CNTN6: variants seen among roughly 807,000 people sequenced by gnomAD.
CNTN6 encodes the protein contactin 6, also known as contactin-6.
A neutral mutation model predicts 122.8 loss-of-function variants in CNTN6; 137 were observed. The ratio of observed to expected loss-of-function variants is 1.12; its 90% CI spans 0.97 to 1.29. CNTN6 has a LOEUF of 1.29. CNTN6 is among the 50% of genes most tolerant of loss of function. The pLI is 0.00. For synonymous variants in CNTN6, 570 were observed against 426.0 expected (o/e 1.34, Z -4.16); for missense variants, 1,634 against 1,223.4 (o/e 1.34, Z -5.01).
chr3:1,157,316 C>G (rs1183025536), intron 2 of CNTN6, among the ~76,000 whole-genome samples: 1 of 152,062 alleles, frequency 6.6e-6, no homozygotes, highest in African/African-American at 2.4e-5. Flanking sequence ...CTCCCAGGTT[C>G]AAGCGTTTCT....
chr3:1,372,771 G>GT (rs1709241329), intron 13 of CNTN6, 67 bp from the exon 14 acceptor site: 3 of 931,790 alleles, frequency 3.2e-6, no homozygotes, highest in Non-Finnish European at 5.0e-6. Flanking sequence ...TTATCCAGCT[G>GT]TAACAATAAA....
chr3:1,315,638 A>G (rs1699992950), intron 7 of CNTN6, among the ~76,000 whole-genome samples: 1 of 152,006 alleles, frequency 6.6e-6, no homozygotes, highest in Admixed American at 6.6e-5. Flanking sequence ...TAATTTTCCT[A>G]TACCATTTCC....
chr3:1,111,904 A>G (rs1316378272), intron 1 of CNTN6, among the ~76,000 whole-genome samples: 5 of 151,988 alleles, frequency 3.3e-5, no homozygotes, highest in Admixed American at 6.6e-5. Flanking sequence ...TAAGAATGCT[A>G]TTTTTCCTCT....
chr3:1,260,548 CAAAT>C (rs1030787862), intron 4 of CNTN6, among the ~76,000 whole-genome samples: 3 of 151,966 alleles, frequency 2.0e-5, no homozygotes, highest in Non-Finnish European at 4.4e-5. Flanking sequence ...ATAATTCCCT[CAAAT>C]AAAACAAAAA....
At chr3:1,099,015 T>C (rs527978605) in intron 1 of CNTN6, among the ~76,000 whole-genome samples, 2 of 151,284 alleles carry the variant, frequency 1.3e-5, no homozygotes, top group East Asian at 3.9e-4. Flanking sequence ...TTACCATGAA[T>C]TGTATATTTA....
At chr3:1,398,285 C>G (rs1324627361) in intron 20 of CNTN6, among the ~76,000 whole-genome samples, 2 of 152,048 alleles carry the variant, frequency 1.3e-5, no homozygotes, top group Admixed American at 6.6e-5. Context: ...TCTAAAGCAG[C>G]TTTCAGAAGT....
chr3:1,199,578 T>TA (rs903139303), intron 2 of CNTN6, among the ~76,000 whole-genome samples: 35 of 151,426 alleles, frequency 2.3e-4, no homozygotes, highest in Admixed American at 7.2e-4. Flanking sequence ...ATTTGAAATG[T>TA]AAAAAAAAAT....
At chr3:1,256,664 A>C (rs1192856658) in intron 4 of CNTN6, among the ~76,000 whole-genome samples, 1 of 152,134 alleles carries the variant, frequency 6.6e-6, no homozygotes, top group African/African-American at 2.4e-5. Context: ...CAAGAAGAAA[A>C]GAAGACAAAA....
At chr3:1,312,440 T>G (rs1575656912) in intron 7 of CNTN6, among the ~76,000 whole-genome samples, 1 of 152,040 alleles carries the variant, frequency 6.6e-6, no homozygotes, top group East Asian at 1.9e-4. Context: ...CAGTTTACAG[T>G]AGAGAAGGAT....
chr3:1,103,183 T>C (rs1354084888), intron 1 of CNTN6, among the ~76,000 whole-genome samples: 2 of 152,228 alleles, frequency 1.3e-5, no homozygotes, highest in Non-Finnish European at 2.9e-5. Context: ...CTAGACTTGA[T>C]AGAACACACT....
intron 4 of CNTN6, among the ~76,000 whole-genome samples, chr3:1,266,240 T>G (rs1213083342): frequency 6.6e-6 from 1 of 152,194 alleles, no homozygotes; most frequent in African/African-American, 2.4e-5. Flanking sequence ...AGGGTCCTTA[T>G]CACTGAACCT....
chr3:1,343,842 A>G (rs1446577114), intron 11 of CNTN6, among the ~76,000 whole-genome samples: 1 of 152,156 alleles, frequency 6.6e-6, no homozygotes, highest in South Asian at 2.1e-4. Context: ...AACATGGCCA[A>G]AAACAGAAAC....
At chr3:1,339,573 A>G (rs1239075161) in intron 11 of CNTN6, among the ~76,000 whole-genome samples, 2 of 152,134 alleles carry the variant, frequency 1.3e-5, no homozygotes, top group South Asian at 2.1e-4. Context: ...AAAGGTTTCA[A>G]CAGGTTGCAG....
At chr3:1,264,941 G>A (rs143307990) in intron 4 of CNTN6, among the ~76,000 whole-genome samples, 1 of 150,250 alleles carries the variant, frequency 6.7e-6, no homozygotes, top group Non-Finnish European at 1.5e-5. Flanking sequence ...TTGATTCCTT[G>A]TATGAGTGAG....
At chr3:1,223,702 G>GA (rs2094239912) in intron 3 of CNTN6, among the ~76,000 whole-genome samples, 1 of 152,186 alleles carries the variant, frequency 6.6e-6, no homozygotes, top group South Asian at 2.1e-4. Context: ...CTCTCTATCA[G>GA]AAAAAAGGAT....
intron 4 of CNTN6, among the ~76,000 whole-genome samples, chr3:1,277,346 C>T (rs1352962870): frequency 1.4e-3 from 114 of 80,160 alleles, no homozygotes; most frequent in Non-Finnish European, 1.7e-3. Flanking sequence ...AGTAGGTTTT[C>T]TTTTTTTTTT....
chr3:1,174,829 A>G (rs2093419182), intron 2 of CNTN6, among the ~76,000 whole-genome samples: 2 of 152,180 alleles, frequency 1.3e-5, no homozygotes, highest in African/African-American at 4.8e-5. Context: ...CATTGCCCCA[A>G]TCCTTAAAAA....
At chr3:1,383,736 A>G (rs1692307840) in intron 19 of CNTN6, among the ~76,000 whole-genome samples, 1 of 152,236 alleles carries the variant, frequency 6.6e-6, no homozygotes, top group African/African-American at 2.4e-5. Flanking sequence ...GGGCTACCCC[A>G]TAGGCAGTGT....
intron 2 of CNTN6, among the ~76,000 whole-genome samples, chr3:1,154,936 G>C (rs1451205951): frequency 6.6e-6 from 1 of 152,022 alleles, no homozygotes; most frequent in Non-Finnish European, 1.5e-5. Context: ...AAAATACCAA[G>C]ATTGTTCTCT....
Sources: gnomAD v4.1 joint callset for allele counts (sites outside exome capture counted in the v4.1 genomes callset) on GRCh38, gnomAD v4.1.1 for gene constraint, MANE v1.5 for transcripts, NCBI Gene and HGNC (gene_info 2026-07-23, HGNC 2026-07-21) for gene names.